Variants in LINGO2 observed in about 807,000 individuals in gnomAD.
The protein encoded by LINGO2 is leucine-rich repeat and immunoglobulin-like domain-containing nogo receptor-interacting protein 2.
LINGO2 carries 14 observed loss-of-function variants against 30.6 expected under a neutral mutation model. The ratio of observed to expected loss-of-function variants is 0.46; its 90% CI spans 0.30 to 0.72. The LOEUF is 0.72. Ranked by LOEUF, LINGO2 falls within the 30% of genes least tolerant of loss-of-function variation. The probability of loss-of-function intolerance (pLI) is 0.07; values close to 1 mark genes in which losing one functional copy is unlikely to be tolerated. For missense variants in LINGO2, 729 were observed against 751.7 expected, an observed-to-expected ratio of 0.97 and a Z score of 0.35; for synonymous variants, 317 against 288.5, an observed-to-expected ratio of 1.10 and a Z score of -1.00.
At chr9:28,211,253 GA>G (rs1427562743) in intron 4 of LINGO2, among the ~76,000 whole-genome samples, 1 of 149,804 alleles carries the variant, frequency 6.7e-6, no homozygotes, top group Non-Finnish European at 1.5e-5. Flanking sequence ...TCGTGATTTA[GA>G]TTAGTTGGAT....
At chr9:28,846,965 T>C in the LINGO2 span, among the ~76,000 whole-genome samples, 6 of 147,092 alleles carry the variant, frequency 4.1e-5, no homozygotes, top group African/African-American at 1.5e-4. Flanking sequence ...ACTGTTCCCA[T>C]GGCAGAGGGA....
chr9:28,300,823 C>T (rs558566168), intron 3 of LINGO2, among the ~76,000 whole-genome samples: 10 of 151,302 alleles, frequency 6.6e-5, no homozygotes, highest in Non-Finnish European at 1.3e-4. Context: ...GTAGTGTGAA[C>T]GGGGAAGTAA....
the LINGO2 span, among the ~76,000 whole-genome samples, chr9:28,733,998 G>T: frequency 6.6e-6 from 1 of 152,024 alleles, no homozygotes. Flanking sequence ...TGACAGATAT[G>T]GTCCAAGATT....
rs1564196132 is a variant in LINGO2, at chr9:28,433,923, T to TCTCTCTCTCTCTCTCTCTCTCTCTCTC, written c.-279+42016_-279+42017insGAGAGAGAGAGAGAGAGAGAGAGAGAG. Among the ~76,000 whole-genome samples the TCTCTCTCTCTCTCTCTCTCTCTCTCTC allele has an allele frequency of 1.2e-4, 13 of 109,910 alleles. 3 individuals carry two copies. The highest frequency in any genetic ancestry group is 2.0e-4 in the Non-Finnish European group (10 of 50,006). 72.1% of individuals were successfully genotyped at this position (109,910 alleles called of 152,430 possible). A position where few individuals can be genotyped will look rare whatever the true frequency, so the allele number is the denominator to read the frequency against. On this transcript the variant is annotated intron_variant, in intron 2 of 5. Coordinates refer to ENST00000379992, the Ensembl canonical transcript of LINGO2. ...TGGATAAAGAAAATGTGCTCTCTCT[T>TCTCTCTCTCTCTCTCTCTCTCTCTCTC]TCTCTCTCTCTCTCTCTCTCTCTCT...
the LINGO2 span, among the ~76,000 whole-genome samples, chr9:28,707,259 G>C: frequency 6.6e-6 from 1 of 152,062 alleles, no homozygotes; most frequent in African/African-American, 2.4e-5. Flanking sequence ...GGCCCTAATA[G>C]AATCATACAT....
chr9:28,930,539 C>A, the LINGO2 span, among the ~76,000 whole-genome samples: 4 of 152,166 alleles, frequency 2.6e-5, no homozygotes, highest in African/African-American at 9.7e-5. The surrounding 1 kb of genome is among the most constrained non-coding windows in gnomAD (Gnocchi z 4.2). Context: ...GATATCAGAA[C>A]TTCAAGGGAC....
intron 1 of LINGO2, among the ~76,000 whole-genome samples, chr9:28,650,700 C>T (rs994286953): frequency 6.6e-6 from 1 of 152,052 alleles, no homozygotes; most frequent in African/African-American, 2.4e-5. Flanking sequence ...GTCTAATAAA[C>T]GAGCCCCTTC....
At chr9:28,347,443 C>T (rs1056282342) in intron 3 of LINGO2, among the ~76,000 whole-genome samples, 4 of 152,162 alleles carry the variant, frequency 2.6e-5, no homozygotes, top group African/African-American at 7.2e-5. Flanking sequence ...TACACACACA[C>T]ACACACAAAA....
chr9:29,045,615 A>G, the LINGO2 span, among the ~76,000 whole-genome samples: 22 of 151,280 alleles, frequency 1.5e-4, no homozygotes, highest in African/African-American at 5.1e-4. Context: ...AACTGGGGAT[A>G]GGCTCTTTGG....
At chr9:29,037,677 T>A in the LINGO2 span, among the ~76,000 whole-genome samples, 1 of 151,976 alleles carries the variant, frequency 6.6e-6, no homozygotes, top group Non-Finnish European at 1.5e-5. Flanking sequence ...ATAGGTTGAG[T>A]ATTGGTAACG....
chr9:28,415,527 A>T (rs1422435865), intron 2 of LINGO2, among the ~76,000 whole-genome samples: 2 of 152,138 alleles, frequency 1.3e-5, no homozygotes, highest in Admixed American at 6.6e-5. Context: ...GCTGGAGCTC[A>T]CTTGGCTCCT....
At chr9:28,349,110 A>ATG (rs1819734043) in intron 3 of LINGO2, among the ~76,000 whole-genome samples, 1 of 152,222 alleles carries the variant, frequency 6.6e-6, no homozygotes, top group South Asian at 2.1e-4. Context: ...CTCCAAAGGA[A>ATG]TGCAGTTCCT....
intron 4 of LINGO2, among the ~76,000 whole-genome samples, chr9:28,208,555 C>A (rs901418162): frequency 6.6e-6 from 1 of 151,906 alleles, no homozygotes; most frequent in African/African-American, 2.4e-5. Context: ...ATTCTCATTT[C>A]CTGGGTTCAA....
the LINGO2 span, among the ~76,000 whole-genome samples, chr9:28,873,907 T>C: frequency 4.5e-4 from 69 of 151,816 alleles, 1 homozygote; most frequent in Non-Finnish European, 7.2e-4. Flanking sequence ...CTGAAATGAA[T>C]ATCTCTATGC....
At chr9:28,587,819 TC>T (rs1179650208) in intron 1 of LINGO2, among the ~76,000 whole-genome samples, 1 of 151,728 alleles carries the variant, frequency 6.6e-6, no homozygotes, top group Non-Finnish European at 1.5e-5. Flanking sequence ...GGGCCACATT[TC>T]CCCCTCCCTA....
chr9:27,963,155 C>T (rs1163907786), intron 5 of LINGO2, among the ~76,000 whole-genome samples: 1 of 152,108 alleles, frequency 6.6e-6, no homozygotes, highest in Admixed American at 6.6e-5. Flanking sequence ...ACTATTTCCT[C>T]TGTTAATTTT....
chr9:29,201,458 T>G, the LINGO2 span, among the ~76,000 whole-genome samples: 1 of 152,082 alleles, frequency 6.6e-6, no homozygotes, highest in Admixed American at 6.6e-5. Context: ...CAGGTCTAAA[T>G]TACTATATGA....
At chr9:28,874,947 G>A in the LINGO2 span, among the ~76,000 whole-genome samples, 1 of 152,038 alleles carries the variant, frequency 6.6e-6, no homozygotes, top group Admixed American at 6.6e-5. Context: ...ACTATACCAT[G>A]CTAAGGCTTA....
In LINGO2 at chr9:28,234,567, A is replaced by G. The variant is rs145212599; in HGVS notation, c.-87+60641T>C. Among the ~76,000 whole-genome samples the G allele has an allele frequency of 4.7e-3, 721 of 152,340 alleles. 11 individuals carry two copies. In the South Asian group the frequency reaches 0.062, roughly 13 times the overall value. ...GCTACCAGCATGGCTAGAATAAAGC[A>G]GGCAGAAGAAAATGGAAAGAGCAGA... On this transcript the variant is annotated intron_variant, in intron 4 of 5. Coordinates refer to ENST00000379992, the Ensembl canonical transcript of LINGO2.
Sources: allele counts gnomAD v4.1 joint callset (sites outside exome capture counted in the v4.1 genomes callset), GRCh38; gene constraint gnomAD v4.1.1; non-coding constraint Gnocchi (gnomAD v3.1); transcripts MANE v1.5; gene names NCBI Gene and HGNC (gene_info 2026-07-23, HGNC 2026-07-21).